Variants in ANKRD36B observed in about 807,000 individuals in gnomAD.
ANKRD36B encodes ankyrin repeat domain 36B.
In ANKRD36B, 37 loss-of-function variants were observed where a neutral mutation model predicts 135.7. The observed-to-expected ratio is 0.27, with a 90% CI of 0.21 to 0.36. The LOEUF is 0.36. Among genes scored for constraint, ANKRD36B ranks in the 10% least tolerant of loss-of-function variants. The probability of loss-of-function intolerance (pLI) is 1.00; values close to 1 mark genes in which losing one functional copy is unlikely to be tolerated. For synonymous variants in ANKRD36B, 179 were observed against 348.1 expected (o/e 0.51, Z 5.41); for missense variants, 549 against 1,037.1 (o/e 0.53, Z 6.46).
intron 14 of ANKRD36B, among the ~76,000 whole-genome samples, chr2:97,553,964 G>A (rs1465544539): frequency 6.6e-6 from 1 of 151,812 alleles, no homozygotes; most frequent in African/African-American, 2.4e-5. Flanking sequence ...TATCCATGTG[G>A]TGCAACAATT....
At chr2:97,579,148 A>G (rs556975917) in intron 4 of ANKRD36B, 105 bp from the exon 5 acceptor site, 5 of 1,236,530 alleles carry the variant, frequency 4.0e-6, no homozygotes, top group Non-Finnish European at 5.5e-6. Context: ...AATTAACCCA[A>G]TTACATGTAC....
chr2:97,532,442 A>G, intron 34 of ANKRD36B, 58 bp from the exon 35 acceptor site: 1 of 508,842 alleles, frequency 2.0e-6, no homozygotes, highest in Non-Finnish European at 3.6e-6. Flanking sequence ...GATAAAAGCC[A>G]TGGTCAGCGG....
At chr2:97,546,004 A>C (rs1049602662) in intron 22 of ANKRD36B, 143 bp from the exon 23 acceptor site, 19 of 848,058 alleles carry the variant, frequency 2.2e-5, no homozygotes, top group African/African-American at 3.2e-5. Flanking sequence ...GTCTGGGGAC[A>C]AGAACATGAC....
chr2:97,550,999 T>A (rs1362300665), intron 18 of ANKRD36B, among the ~76,000 whole-genome samples: 4 of 151,912 alleles, frequency 2.6e-5, no homozygotes, highest in African/African-American at 9.7e-5. Context: ...AATGAAAAGA[T>A]GCTACAGAAT....
At chr2:97,585,721 A>G (rs2082932106) in intron 1 of ANKRD36B, among the ~76,000 whole-genome samples, 1 of 152,250 alleles carries the variant, frequency 6.6e-6, no homozygotes, top group Non-Finnish European at 1.5e-5. Context: ...TGATGCTTAC[A>G]TAAGAATCTA....
chr2:97,562,873 C>G (rs2081149452), intron 6 of ANKRD36B, among the ~76,000 whole-genome samples: 1 of 152,062 alleles, frequency 6.6e-6, no homozygotes, highest in Admixed American at 6.6e-5. Context: ...CCCATAGACA[C>G]TCTTTCACAG....
intron 35 of ANKRD36B, among the ~76,000 whole-genome samples, chr2:97,526,149 A>AC (rs2104404802): frequency 1.5e-5 from 1 of 68,196 alleles, no homozygotes; most frequent in South Asian, 2.4e-4. Flanking sequence ...ACTGGGAGGC[A>AC]CCCCCCAGTA....
At chr2:97,569,013 T>C (rs1176275751) in intron 6 of ANKRD36B, among the ~76,000 whole-genome samples, 1 of 152,136 alleles carries the variant, frequency 6.6e-6, no homozygotes, top group Non-Finnish European at 1.5e-5. Context: ...GCAAGGTAAA[T>C]AGGAAAGACT....
Position 97,549,708 on chromosome 2 carries a change from T to A in ANKRD36B, c.1376-94A>T, listed in dbSNP as rs1270066855. 6.2e-5 allele frequency: 99 copies of A among 1,586,988 alleles called. 1 individual carries two copies. The East Asian group carries it at 2.2e-3, about 35-fold the overall frequency. On this transcript the variant is annotated intron_variant, in intron 18 of 43. Transcript: ENST00000359901. The stretch of plus-strand genomic sequence containing the variant: ...GTGTTAGCATCAAACTCTGTCCTCC[T>A]GCCTGTATTAGCGTAGGCTTTGATG...
chr2:97,566,087 G>A (rs939956128), intron 6 of ANKRD36B, among the ~76,000 whole-genome samples: 4 of 151,882 alleles, frequency 2.6e-5, no homozygotes, highest in Non-Finnish European at 5.9e-5. Flanking sequence ...GCCAAGGCGG[G>A]TGGATCACAC....
In ANKRD36B at chr2:97,584,932, G is replaced by A. The variant is rs1451783509; in HGVS notation, c.450+12C>T. On this transcript the variant is annotated intron_variant, in intron 3 of 43. Transcript: ENST00000359901. ...TTCAGATAGTTTGAAAATAACATTG[G>A]TTGACCTATACCTTGCTGCATTCTT... 3 of 1,557,542 alleles carry A rather than the reference G, an allele frequency of 1.9e-6. No homozygotes were observed. The highest frequency in any genetic ancestry group is 2.9e-5 in the African/African-American group (2 of 68,008).
intron 20 of ANKRD36B, among the ~76,000 whole-genome samples, 187 bp downstream of exon 20, chr2:97,549,232 T>C (rs1291175583): frequency 1.5e-5 from 2 of 134,868 alleles, no homozygotes; most frequent in Non-Finnish European, 3.4e-5. Context: ...ACAGCGAAGG[T>C]CATGTTCCAG....
intron 6 of ANKRD36B, among the ~76,000 whole-genome samples, chr2:97,569,373 A>T (rs573044275): frequency 6.6e-5 from 10 of 152,324 alleles, no homozygotes; most frequent in Non-Finnish European, 1.5e-4. Context: ...GACATATCAA[A>T]ACTATGGGGA....
rs1180651861 is a variant in ANKRD36B at position 97,589,836 on chromosome 2, T to C, written c.-151A>G. The C allele has an allele frequency of 5.5e-6, 6 of 1,088,566 alleles. No individual in the cohort carries two copies. The highest frequency in any genetic ancestry group is 5.6e-4 in the Middle Eastern group (2 of 3,576). 67.4% of individuals were successfully genotyped at this position (1,088,566 alleles called of 1,614,324 possible). ...TCTGTGCACGGACCTCCGCGCAGAC[T>C]CTCAGCGCCTCCCGCCTCTCCGCAG... On this transcript the variant is annotated 5_prime_UTR_variant, in exon 1 of 44. Transcript: ENST00000359901.
intron 20 of ANKRD36B, among the ~76,000 whole-genome samples, 172 bp downstream of exon 20, chr2:97,549,247 G>GCAGCATCAGCAT (rs71849050): frequency 6.7e-6 from 1 of 149,378 alleles, no homozygotes; most frequent in Non-Finnish European, 1.5e-5. Context: ...TTCCAGACCA[G>GCAGCATCAGCAT]CAGCATCAGC....
chr2:97,583,626 ATTG>A (rs1294119019), intron 3 of ANKRD36B, among the ~76,000 whole-genome samples: 6 of 95,376 alleles, frequency 6.3e-5, no homozygotes, highest in African/African-American at 1.8e-4. Context: ...GAAATGTTTT[ATTG>A]TTGTTGTTGT....
intron 35 of ANKRD36B, among the ~76,000 whole-genome samples, chr2:97,528,565 G>C (rs1323941434): frequency 3.2e-5 from 3 of 92,522 alleles, no homozygotes; most frequent in African/African-American, 9.7e-5. Flanking sequence ...GAGCAGAACT[G>C]AAGGAAATAG....
At position 97,556,893 on chromosome 2, in the gene ANKRD36B, C is replaced by T. The variant is rs573451519; in HGVS notation, c.1069+44G>A. 45 of 1,549,954 alleles carry T rather than the reference C, an allele frequency of 2.9e-5. No homozygotes were observed. In the East Asian group the frequency reaches 1.1e-3, roughly 37 times the overall value. On this transcript the variant is annotated intron_variant, in intron 12 of 43. Coordinates refer to ENST00000359901, the MANE Select transcript of ANKRD36B (RefSeq NM_001393939.1). Reference sequence around the variant, plus strand: ...CTATTCAGGGGTGGGACGTTCTCTTCTGTCTTGAGTGCACATGACATTAAA... The same window carrying T: ...CTATTCAGGGGTGGGACGTTCTCTTTTGTCTTGAGTGCACATGACATTAAA...
At chr2:97,553,039 T>G (rs2080202145) in intron 16 of ANKRD36B, 129 bp downstream of exon 16, 8 of 1,159,494 alleles carry the variant, frequency 6.9e-6, no homozygotes, top group African/African-American at 1.6e-5. Context: ...ATGAAGACTC[T>G]CAGACCTGCT....
Sources: allele counts gnomAD v4.1 joint callset (sites outside exome capture counted in the v4.1 genomes callset), GRCh38; gene constraint gnomAD v4.1.1; transcripts MANE v1.5; gene names NCBI Gene and HGNC (gene_info 2026-07-23, HGNC 2026-07-21).